Variants in GALNT16 observed in about 807,000 individuals in gnomAD.
The protein encoded by GALNT16 is polypeptide N-acetylgalactosaminyltransferase 16.
Under a neutral mutation model 76.1 loss-of-function variants are expected in GALNT16, and 40 were observed. The ratio of observed to expected loss-of-function variants is 0.53; its 90% CI spans 0.41 to 0.68. The LOEUF (loss-of-function observed/expected upper bound fraction) is 0.68, where lower values mean the gene tolerates loss of function less well. Ranked by LOEUF, GALNT16 falls within the 30% of genes least tolerant of loss-of-function variation. GALNT16 has a pLI of 0.00. For missense variants in GALNT16, 621 were observed against 731.9 expected (o/e 0.85, Z 1.75); for synonymous variants, 276 against 285.2 (o/e 0.97, Z 0.32).
At chr14:69,385,439 C>T in the GALNT16 span, among the ~76,000 whole-genome samples, 1 of 151,986 alleles carries the variant, frequency 6.6e-6, no homozygotes, top group Non-Finnish European at 1.5e-5. Context: ...AAGATAATTC[C>T]CCCCAGCTCC....
At chr14:69,303,003 A>T (rs1180686863) in intron 1 of GALNT16, among the ~76,000 whole-genome samples, 1 of 152,204 alleles carries the variant, frequency 6.6e-6, no homozygotes, top group Non-Finnish European at 1.5e-5. Context: ...CATTTAGATT[A>T]TTTCCAATAT....
chr14:69,383,803 T>C, the GALNT16 span, among the ~76,000 whole-genome samples: 32 of 152,196 alleles, frequency 2.1e-4, no homozygotes, highest in Non-Finnish European at 3.7e-4. Context: ...TAGCAAATAT[T>C]GTATTAAAAA....
chr14:69,368,213 T>C, the GALNT16 span, among the ~76,000 whole-genome samples: 1 of 152,196 alleles, frequency 6.6e-6, no homozygotes. Flanking sequence ...CATTTTATTA[T>C]AGACTCTATT....
chr14:69,379,177 T>A, the GALNT16 span, among the ~76,000 whole-genome samples: 7 of 152,202 alleles, frequency 4.6e-5, no homozygotes, highest in Admixed American at 4.6e-4. Context: ...TGACCTCAAA[T>A]AATCTGTCCA....
At chr14:69,271,539 C>T (rs2044407891) in intron 1 of GALNT16, among the ~76,000 whole-genome samples, 1 of 152,250 alleles carries the variant, frequency 6.6e-6, no homozygotes, top group African/African-American at 2.4e-5. Context: ...GGAGAGCCCT[C>T]CTCATCACAG....
chr14:69,341,872 G>C (rs1014605999), intron 12 of GALNT16, 108 bp downstream of exon 12: 16 of 703,010 alleles, frequency 2.3e-5, no homozygotes, highest in Non-Finnish European at 4.1e-5. Flanking sequence ...TGGTGATCTG[G>C]CTTTCTAGCT....
In GALNT16 at chr14:69,328,553, G is replaced by T. The variant is rs61746597; in HGVS notation, c.672G>T (p.Met224Ile). The change falls in exon 6 of 15, where the codon ATG becomes ATT. Residue 224 changes from methionine to isoleucine, a missense_variant. Coordinates refer to ENST00000448469, the MANE Select transcript of GALNT16 (RefSeq NM_001168368.2). Reference protein sequence around the residue: ...CEVNTEWLPPMLQRVKEDHTR... With the variant: ...CEVNTEWLPPILQRVKEDHTR... ...TGAACACCGAGTGGCTGCCGCCCAT[G>T]CTGCAGCGGGTGAAGGAGGTGAGCC... 69 of 1,613,324 alleles carry T rather than the reference G, an allele frequency of 4.3e-5. No homozygotes were observed. The African/African-American group carries it at 9.1e-4, about 21-fold the overall frequency.
At chr14:69,348,216 C>G (rs148687212) in intron 14 of GALNT16, 1 of 602,698 alleles carries the variant, frequency 1.7e-6, no homozygotes, top group East Asian at 2.8e-5. Flanking sequence ...TAATGCCATC[C>G]TGCCAGGCTG....
intron 1 of GALNT16, among the ~76,000 whole-genome samples, chr14:69,286,822 A>G (rs1594822702): frequency 1.3e-5 from 2 of 152,184 alleles, no homozygotes; most frequent in African/African-American, 4.8e-5. Flanking sequence ...ATGGGTGTTC[A>G]CTATACAACT....
At chr14:69,320,210 G>A (rs1359531114) in intron 1 of GALNT16, among the ~76,000 whole-genome samples, 2 of 152,238 alleles carry the variant, frequency 1.3e-5, no homozygotes. Context: ...AAAGCCTCTT[G>A]ATGGCCGGGC....
rs372429649 is a variant in GALNT16 at position 69,320,728 on chromosome 14, G to A, written c.195G>A (p.Ser65=). 235 of 1,613,822 alleles carry A rather than the reference G, an allele frequency of 1.5e-4. No individual in the cohort carries two copies. Among genetic ancestry groups the A allele is most frequent in the Non-Finnish European group, 1.8e-4 (208 of 1,179,926 alleles). The change falls in exon 2 of 15, where the codon TCG becomes TCA. Residue 65 remains serine (S), a synonymous_variant. Transcript: ENST00000448469. ...TIPLIVTGTP[S]KGFDEKAYLS... ...CATCTCAGGTGACAGGAACTCCCTC[G>A]AAAGGCTTTGATGAGAAGGCCTACC...
At chr14:69,282,197 A>G (rs2044552825) in intron 1 of GALNT16, among the ~76,000 whole-genome samples, 1 of 152,216 alleles carries the variant, frequency 6.6e-6, no homozygotes, top group African/African-American at 2.4e-5. Flanking sequence ...TTCCTTGAGT[A>G]GTTCCCTTGC....
intron 12 of GALNT16, among the ~76,000 whole-genome samples, chr14:69,342,955 C>T (rs529112880): frequency 6.6e-6 from 1 of 152,306 alleles, no homozygotes; most frequent in Admixed American, 6.5e-5. Context: ...CATTATCTGG[C>T]CAATTAATTT....
chr14:69,336,961 A>G (rs2045423361), intron 9 of GALNT16, among the ~76,000 whole-genome samples: 1 of 152,192 alleles, frequency 6.6e-6, no homozygotes, highest in Admixed American at 6.5e-5. Flanking sequence ...TCCTGAGCTC[A>G]GGCAATCTGC....
At chr14:69,385,253 C>T in the GALNT16 span, among the ~76,000 whole-genome samples, 10 of 152,208 alleles carry the variant, frequency 6.6e-5, no homozygotes, top group Non-Finnish European at 1.5e-4. Context: ...ACTGATTTCA[C>T]TTTAAATCAC....
intron 1 of GALNT16, among the ~76,000 whole-genome samples, chr14:69,288,570 G>A (rs903411034): frequency 6.6e-5 from 10 of 152,214 alleles, no homozygotes; most frequent in Non-Finnish European, 1.2e-4. Context: ...TGCATTGACC[G>A]AGCACCTAGC....
intron 1 of GALNT16, among the ~76,000 whole-genome samples, chr14:69,287,712 G>T (rs1170883942): frequency 6.6e-6 from 1 of 152,200 alleles, no homozygotes; most frequent in African/African-American, 2.4e-5. Context: ...GGCCAGCACA[G>T]CCAACACGGA....
At position 69,326,014 on chromosome 14, in the gene GALNT16, T is replaced by C. The variant is rs892734142; in HGVS notation, c.555T>C (p.Asn185=). 3 of 1,613,804 alleles carry C rather than the reference T, an allele frequency of 1.9e-6. No individual in the cohort carries two copies. Among genetic ancestry groups the C allele is most frequent in the Non-Finnish European group, 1.7e-6 (2 of 1,179,796 alleles). ...TCCCCAAGGTCAAGTGCCTGCGCAA[T>C]GATCGGCGGGAAGGTGAGTCCTTGC... ...TRIPKVKCLR[N]DRREGLIRSR... The change falls in exon 5 of 15, where the codon AAT becomes AAC. Residue 185 remains asparagine (N), a synonymous_variant. Transcript: ENST00000448469.
intron 1 of GALNT16, among the ~76,000 whole-genome samples, chr14:69,286,158 CA>C (rs1210462117): frequency 6.6e-6 from 1 of 152,110 alleles, no homozygotes; most frequent in Non-Finnish European, 1.5e-5. Context: ...GGTAGGACAA[CA>C]AAGGGTAGGG....
Sources: gnomAD v4.1 joint callset for allele counts (sites outside exome capture counted in the v4.1 genomes callset) on GRCh38, gnomAD v4.1.1 for gene constraint, MANE v1.5 for transcripts, NCBI Gene and HGNC (gene_info 2026-07-23, HGNC 2026-07-21) for gene names.